Variants in KLHDC10 observed in about 807,000 individuals in gnomAD.
The protein encoded by KLHDC10 is kelch domain containing 10, also known as kelch domain-containing protein 10.
Under a neutral mutation model 56.1 loss-of-function variants are expected in KLHDC10, and 24 were observed. That is an observed-to-expected ratio of 0.43 (90% confidence interval 0.31 to 0.60). The LOEUF (loss-of-function observed/expected upper bound fraction) is 0.60. Ranked by LOEUF, KLHDC10 falls within the 20% of genes least tolerant of loss-of-function variation. The pLI, the probability that KLHDC10 is intolerant of heterozygous loss-of-function variation, is 0.11. For synonymous variants in KLHDC10, 188 were observed against 207.1 expected (o/e 0.91, Z 0.79); for missense variants, 349 against 567.0 (o/e 0.62, Z 3.91).
rs117407178 is a variant in KLHDC10, at chr7:130,084,207, A to G, written c.167-12714A>G. ...TTTATTATAAAATTGAAGGGTAACTATTGGGTAATTTTAAGCACAGGAGTG... is the reference window on the plus strand; with the variant it reads ...TTTATTATAAAATTGAAGGGTAACTGTTGGGTAATTTTAAGCACAGGAGTG... On this transcript the variant is annotated intron_variant, in intron 1 of 9. Transcript: ENST00000335420. Among the ~76,000 whole-genome samples, 942 of 152,290 alleles carry G rather than the reference A, an allele frequency of 6.2e-3. 4 individuals are homozygous for G. Among genetic ancestry groups the G allele is most frequent in the Middle Eastern group, 0.024 (7 of 294 alleles).
chr7:130,080,100 C>T (rs1046126904), intron 1 of KLHDC10, among the ~76,000 whole-genome samples: 10 of 152,012 alleles, frequency 6.6e-5, no homozygotes, highest in Non-Finnish European at 1.5e-4. Flanking sequence ...CACCACCACA[C>T]CCAGCTTATT....
chr7:130,109,317 C>T (rs1796068064), intron 2 of KLHDC10, among the ~76,000 whole-genome samples: 1 of 151,050 alleles, frequency 6.6e-6, no homozygotes, highest in African/African-American at 2.4e-5. Flanking sequence ...TTACTGCACT[C>T]AAGCGATCCT....
At chr7:130,091,202 A>G (rs1445779660) in intron 1 of KLHDC10, among the ~76,000 whole-genome samples, 1 of 152,182 alleles carries the variant, frequency 6.6e-6, no homozygotes, top group African/African-American at 2.4e-5. Context: ...TAAATGGCCA[A>G]GAATGTAATT....
At chr7:130,075,604 C>T (rs1487741043) in intron 1 of KLHDC10, among the ~76,000 whole-genome samples, 1 of 152,100 alleles carries the variant, frequency 6.6e-6, no homozygotes, top group East Asian at 1.9e-4. Context: ...CTTGCTAATA[C>T]AAATAGTGAT....
chr7:130,088,150 A>G (rs1205291929), intron 1 of KLHDC10, among the ~76,000 whole-genome samples: 1 of 152,164 alleles, frequency 6.6e-6, no homozygotes, highest in African/African-American at 2.4e-5. Flanking sequence ...TTTTTGCTGG[A>G]TTTAGTCCAA....
At chr7:130,117,232 C>A (rs1200438974) in intron 3 of KLHDC10, among the ~76,000 whole-genome samples, 1 of 152,116 alleles carries the variant, frequency 6.6e-6, no homozygotes, top group Non-Finnish European at 1.5e-5. Context: ...ATCTTTTTTG[C>A]TGGTGGAGGG....
At chr7:130,105,990 A>T (rs1346925745) in intron 2 of KLHDC10, among the ~76,000 whole-genome samples, 1 of 152,068 alleles carries the variant, frequency 6.6e-6, no homozygotes, top group Non-Finnish European at 1.5e-5. Context: ...CCTCTACTAA[A>T]AATACAAAAT....
rs1003559134 is a variant in KLHDC10, at chr7:130,070,540, T to G, written c.-104T>G. 6 of 1,133,100 alleles carry G rather than the reference T, an allele frequency of 5.3e-6. No individual in the cohort carries two copies. Among genetic ancestry groups the G allele is most frequent in the Non-Finnish European group, 6.7e-6 (6 of 892,376 alleles). The allele number at this position is 1,133,100 out of a possible 1,614,324, so 70.2% of individuals were successfully genotyped here. On this transcript the variant is annotated 5_prime_UTR_variant, in exon 1 of 10. Transcript: ENST00000335420. ...TCTGGTGGGACCGGGCGCTGCCCCC[T>G]TCCCCTGTCTCCTGGGTCTCTGGAG...
intron 2 of KLHDC10, among the ~76,000 whole-genome samples, chr7:130,109,182 C>G (rs1011414701): frequency 2.6e-5 from 4 of 151,388 alleles, no homozygotes; most frequent in African/African-American, 9.7e-5. Flanking sequence ...GCTGGGATTA[C>G]AGATGTGAGC....
At chr7:130,079,003 T>C (rs898376206) in intron 1 of KLHDC10, among the ~76,000 whole-genome samples, 1 of 152,198 alleles carries the variant, frequency 6.6e-6, no homozygotes, top group Middle Eastern at 3.2e-3. Context: ...TATTTTATCA[T>C]GTTAAAGTAT....
intron 1 of KLHDC10, among the ~76,000 whole-genome samples, chr7:130,090,751 C>T (rs934535168): frequency 1.4e-5 from 2 of 140,946 alleles, no homozygotes; most frequent in Non-Finnish European, 3.0e-5. Flanking sequence ...CAGATTTCAT[C>T]AGTTTTACAC....
At chr7:130,109,795 C>A (rs1563103332) in intron 2 of KLHDC10, among the ~76,000 whole-genome samples, 1 of 152,116 alleles carries the variant, frequency 6.6e-6, no homozygotes, top group South Asian at 2.1e-4. Flanking sequence ...CCCACCACCA[C>A]GCGTGGCTAA....
At chr7:130,076,894 CT>C (rs1051767868) in intron 1 of KLHDC10, among the ~76,000 whole-genome samples, 1 of 152,032 alleles carries the variant, frequency 6.6e-6, no homozygotes, top group Non-Finnish European at 1.5e-5. Flanking sequence ...GGGAAGTTTT[CT>C]TTGTTTATTT....
intron 1 of KLHDC10, among the ~76,000 whole-genome samples, chr7:130,078,093 C>T (rs530519972): frequency 3.4e-4 from 51 of 150,344 alleles, no homozygotes; most frequent in Non-Finnish European, 6.5e-4. Context: ...ATAGGCCTGG[C>T]GTGTTGGCTC....
chr7:130,132,657 C>T lies in KLHDC10; in HGVS notation c.*1911C>T, dbSNP rs1473434152. 6.6e-6 allele frequency: 1 copy of T among 152,322 alleles called. No individual in the cohort carries two copies. Among genetic ancestry groups the T allele is most frequent in the Non-Finnish European group, 1.5e-5 (1 of 68,142 alleles). 9.4% of individuals were successfully genotyped at this position (152,322 alleles called of 1,614,324 possible). ...TACCAGTCTGTGTAGCACTTAACCT[C>T]CTGCCACCACTGCCAGGCTTGCTCC... On this transcript the variant is annotated 3_prime_UTR_variant, in exon 10 of 10. Transcript: ENST00000335420.
In KLHDC10 at chr7:130,131,486, G is replaced by T. The variant is rs1443565569; in HGVS notation, c.*740G>T. On this transcript the variant is annotated 3_prime_UTR_variant, in exon 10 of 10. Coordinates refer to ENST00000335420, the MANE Select transcript of KLHDC10 (RefSeq NM_014997.4). ...GTCGTGCTCTTTGTTGTTGCTCTTA[G>T]AAATTATGGCACCAAGAATGTTTCA... The T allele has an allele frequency of 1.3e-5, 2 of 152,244 alleles. No individual in the cohort carries two copies. Among genetic ancestry groups the T allele is most frequent in the Non-Finnish European group, 2.9e-5 (2 of 68,052 alleles). 9.4% of individuals were successfully genotyped at this position (152,244 alleles called of 1,614,324 possible).
At chr7:130,088,427 A>C (rs1795721641) in intron 1 of KLHDC10, among the ~76,000 whole-genome samples, 2 of 151,108 alleles carry the variant, frequency 1.3e-5, no homozygotes, top group Non-Finnish European at 2.9e-5. Context: ...GGCTCGCACC[A>C]CCACGCCTGG....
chr7:130,116,757 A>C lies in KLHDC10; in HGVS notation c.475+91A>C, dbSNP rs904458442. The C allele has an allele frequency of 1.8e-6, 2 of 1,083,178 alleles. No homozygotes were observed. Among genetic ancestry groups the C allele is most frequent in the African/African-American group, 3.1e-5 (2 of 64,284 alleles). The allele number at this position is 1,083,178 out of a possible 1,614,324, so 67.1% of individuals were successfully genotyped here. A position where few individuals can be genotyped will look rare whatever the true frequency, so the allele number is the denominator to read the frequency against. Reference sequence around the variant, plus strand: ...ATATTCCTCATTAATAATTTATAACACTATAATGTGATTTCGCCCTGTGGG... The same window carrying C: ...ATATTCCTCATTAATAATTTATAACCCTATAATGTGATTTCGCCCTGTGGG... On this transcript the variant is annotated intron_variant, in intron 3 of 9. Coordinates refer to ENST00000335420, the MANE Select transcript of KLHDC10 (RefSeq NM_014997.4). The surrounding 1 kb of genome is among the most constrained non-coding windows in gnomAD (Gnocchi z 4.8).
chr7:130,128,875 T>TAAAAAAAAAAAAA (rs1164826285), intron 8 of KLHDC10, among the ~76,000 whole-genome samples: 3 of 42,328 alleles, frequency 7.1e-5, no homozygotes, highest in African/African-American at 1.5e-4. Flanking sequence ...CCTTGTCTCT[T>TAAAAAAAAAAAAA]AAAAAAAAAA....
Sources: gnomAD v4.1 joint callset for allele counts (sites outside exome capture counted in the v4.1 genomes callset) on GRCh38, gnomAD v4.1.1 for gene constraint, Gnocchi (gnomAD v3.1) non-coding constraint, MANE v1.5 for transcripts, NCBI Gene and HGNC (gene_info 2026-07-23, HGNC 2026-07-21) for gene names.